Variants in NR4A3 observed in about 807,000 individuals in gnomAD.
NR4A3 encodes chondrosarcoma, extraskeletal myxoid, fused to EWS.
In NR4A3, 13 loss-of-function variants were observed where a neutral mutation model predicts 55.6. That is an observed-to-expected ratio of 0.23 (90% CI 0.15 to 0.37). NR4A3 has a LOEUF of 0.37. Ranked by LOEUF, NR4A3 falls within the 10% of genes least tolerant of loss-of-function variation. NR4A3 has a pLI of 1.00. For missense variants in NR4A3, 646 were observed against 822.8 expected (o/e 0.79, Z 2.63); for synonymous variants, 342 against 357.9 (o/e 0.96, Z 0.50).
At chr9:99,849,971 G>A (rs2118130583) in intron 7 of NR4A3, among the ~76,000 whole-genome samples, 1 of 152,338 alleles carries the variant, frequency 6.6e-6, no homozygotes, top group Non-Finnish European at 1.5e-5. Context: ...CTTTGTAAGT[G>A]CAGAGGATGT....
intron 7 of NR4A3, among the ~76,000 whole-genome samples, chr9:99,859,265 C>A (rs1010973745): frequency 6.6e-6 from 1 of 152,120 alleles, no homozygotes; most frequent in East Asian, 1.9e-4. Context: ...AATTTATGAA[C>A]TCTGTATATT....
chr9:99,847,319 A>C, intron 6 of NR4A3, 118 bp from the exon 7 acceptor site: 3 of 884,582 alleles, frequency 3.4e-6, no homozygotes, highest in Non-Finnish European at 5.5e-6. Context: ...GCTTCATAGC[A>C]CCACACTGGG....
At chr9:99,829,071 C>A (rs560235039) in intron 3 of NR4A3, 78 bp downstream of exon 3, 19 of 1,251,214 alleles carry the variant, frequency 1.5e-5, no homozygotes, top group South Asian at 1.4e-4. Context: ...TAGGAGCATC[C>A]TTGTTCTTCC....
intron 3 of NR4A3, 54 bp downstream of exon 3, chr9:99,829,047 C>T (rs1164785540): frequency 1.5e-6 from 2 of 1,298,818 alleles, no homozygotes; most frequent in East Asian, 6.1e-5. Context: ...CTGAAGGGAG[C>T]TTCTAAGTGA....
At position 99,866,385 on chromosome 9, in the gene NR4A3, T is replaced by C. The variant is rs898863799; in HGVS notation, c.*2518T>C. 4.5e-6 allele frequency: 1 copy of C among 223,002 alleles called. No homozygotes were observed. The highest frequency in any genetic ancestry group is 5.7e-5 in the Admixed American group (1 of 17,474). The allele number at this position is 223,002 out of a possible 1,614,324, so 13.8% of individuals were successfully genotyped here. On this transcript the variant is annotated 3_prime_UTR_variant, in exon 8 of 8. Coordinates refer to ENST00000395097, the MANE Select transcript of NR4A3 (RefSeq NM_006981.4). ...ACTTTTTATTTTTACACCCATCAGA[T>C]TTAAGGAAAAGACTTTTTAGCCATT... is the stretch of plus-strand genomic sequence containing the variant.
chr9:99,833,290 A>G lies in NR4A3; in HGVS notation c.1090A>G (p.Thr364Ala). The G allele has an allele frequency of 6.2e-7, 1 of 1,609,880 alleles. No individual in the cohort carries two copies. Among genetic ancestry groups the G allele is most frequent in the Non-Finnish European group, 8.5e-7 (1 of 1,177,954 alleles). Residue 364 changes from threonine to alanine, a missense_variant, in exon 5 of 8, where the codon ACA (threonine) becomes GCA (alanine). Coordinates refer to ENST00000395097, the MANE Select transcript of NR4A3 (RefSeq NM_006981.4). Reference protein sequence around the residue: ...SVGMVKEVVRTDSLKGRRGRL... With the variant: ...SVGMVKEVVRADSLKGRRGRL... ...GTCTCTTTTGGCATCAGTTGTCCGT[A>G]CAGATAGTCTGAAAGGGAGGAGAGG...
intron 5 of NR4A3, among the ~76,000 whole-genome samples, chr9:99,838,486 T>C (rs1352018827): frequency 7.9e-5 from 12 of 152,232 alleles, no homozygotes; most frequent in Non-Finnish European, 1.5e-5. Context: ...TCTCAAATTG[T>C]TACCAATTCA....
chr9:99,833,611 A>C (rs1364172201), intron 5 of NR4A3, 157 bp downstream of exon 5: 1 of 1,599,268 alleles, frequency 6.3e-7, no homozygotes, highest in Non-Finnish European at 8.5e-7. Context: ...AATTCAGTGC[A>C]TCCATTGCAG....
At chr9:99,853,213 T>C in intron 7 of NR4A3, among the ~76,000 whole-genome samples, 1 of 152,118 alleles carries the variant, frequency 6.6e-6, no homozygotes, top group East Asian at 1.9e-4. Flanking sequence ...CCTTCACTGT[T>C]ATTATTTGTT....
In NR4A3 at chr9:99,828,415, G is replaced by T; in HGVS notation, c.373G>T (p.Asp125Tyr). The T allele has an allele frequency of 6.3e-7, 1 of 1,585,544 alleles. No homozygotes were observed. Among genetic ancestry groups the T allele is most frequent in the Non-Finnish European group, 8.6e-7 (1 of 1,165,282 alleles). Residue 125 changes from aspartate (D) to tyrosine (Y), a missense_variant, in exon 3 of 8, where the codon GAC becomes TAC. Asp to Tyr is a radical substitution (Grantham distance 160, BLOSUM62 -3). This residue lies in a region of NR4A3 where 426 missense variants were observed against 429.4 expected (regional missense o/e 0.99). Transcript: ENST00000395097. The surrounding 1 kb of genome is among the most constrained non-coding windows in gnomAD (Gnocchi z 7.7). ...PSIPPASSPE[D>Y]EVLPSTSMYF... ...CATTCCTCCAGCCTCCAGCCCGGAG[G>T]ACGAGGTGCTGCCCAGCACCTCCAT...
chr9:99,830,738 C>T (rs1195852599), intron 3 of NR4A3, among the ~76,000 whole-genome samples: 1 of 152,056 alleles, frequency 6.6e-6, no homozygotes, highest in African/African-American at 2.4e-5. Context: ...TTGATTTTTA[C>T]AGGATTTCAG....
At chr9:99,832,467 G>A (rs1827462661) in intron 3 of NR4A3, among the ~76,000 whole-genome samples, 1 of 152,216 alleles carries the variant, frequency 6.6e-6, no homozygotes, top group African/African-American at 2.4e-5. Flanking sequence ...AGAGTTGGGT[G>A]TCTCCTGAGA....
At chr9:99,848,552 C>T (rs1827795327) in intron 7 of NR4A3, among the ~76,000 whole-genome samples, 1 of 152,262 alleles carries the variant, frequency 6.6e-6, no homozygotes, top group South Asian at 2.1e-4. Context: ...ATCATGCTGG[C>T]CAGGCTGGTC....
intron 1 of NR4A3, among the ~76,000 whole-genome samples, chr9:99,823,349 G>A (rs766790915): frequency 6.6e-6 from 1 of 152,142 alleles, no homozygotes; most frequent in Non-Finnish European, 1.5e-5. Flanking sequence ...TCGGGGCAGT[G>A]GTGAGGAAGA....
At chr9:99,834,006 G>A in intron 5 of NR4A3, 1 of 1,117,336 alleles carries the variant, frequency 8.9e-7, no homozygotes, top group Non-Finnish European at 1.1e-6. Flanking sequence ...CCTGGTTCCT[G>A]CTTTTGGCTC....
At chr9:99,835,804 G>A (rs899659986) in intron 5 of NR4A3, among the ~76,000 whole-genome samples, 1 of 152,148 alleles carries the variant, frequency 6.6e-6, no homozygotes, top group African/African-American at 2.4e-5. Context: ...CATTCAGTCT[G>A]TTAGTCTAGA....
chr9:99,859,897 T>C (rs1827981896), intron 7 of NR4A3, among the ~76,000 whole-genome samples: 1 of 152,174 alleles, frequency 6.6e-6, no homozygotes, highest in Admixed American at 6.5e-5. Flanking sequence ...GAGAAAGGCG[T>C]CTCTCCCTAG....
At chr9:99,861,272 C>T (rs1450762479) in intron 7 of NR4A3, among the ~76,000 whole-genome samples, 1 of 152,220 alleles carries the variant, frequency 6.6e-6, no homozygotes, top group Non-Finnish European at 1.5e-5. Flanking sequence ...GTAAGCCCAG[C>T]ACTTTGGGAG....
intron 7 of NR4A3, among the ~76,000 whole-genome samples, chr9:99,858,374 T>A (rs1379581526): frequency 6.6e-6 from 1 of 152,204 alleles, no homozygotes; most frequent in African/African-American, 2.4e-5. Context: ...CCCCTCCCTC[T>A]TGCTCTAAGC....
Sources: allele counts gnomAD v4.1 joint callset (sites outside exome capture counted in the v4.1 genomes callset), GRCh38; gene constraint gnomAD v4.1.1; regional missense constraint gnomAD v4.1.1; non-coding constraint Gnocchi (gnomAD v3.1); transcripts MANE v1.5; gene names NCBI Gene and HGNC (gene_info 2026-07-23, HGNC 2026-07-21).